CRPPA: variants seen among roughly 807,000 people sequenced by gnomAD.
CRPPA encodes D-ribitol-5-phosphate cytidylyltransferase.
In CRPPA, 43 loss-of-function variants were observed where a neutral mutation model predicts 52.0. The observed-to-expected ratio is 0.83, with a 90% CI of 0.65 to 1.07. The LOEUF (loss-of-function observed/expected upper bound fraction) is 1.07, where lower values mean the gene tolerates loss of function less well. CRPPA is among the 50% of genes least tolerant of loss of function. CRPPA has a pLI of 0.00. For missense variants in CRPPA, 629 were observed against 551.7 expected, an observed-to-expected ratio of 1.14 and a Z score of -1.40; for synonymous variants, 250 against 203.5, an observed-to-expected ratio of 1.23 and a Z score of -1.94.
Position 16,196,982 on chromosome 7 carries a change from T to G in CRPPA, c.1251+19084A>C, listed in dbSNP as rs148187045. Among the ~76,000 whole-genome samples the G allele has an allele frequency of 2.9e-3, 443 of 151,822 alleles. 3 individuals are homozygous for G. Among genetic ancestry groups the G allele is most frequent in the African/African-American group, 0.01 (427 of 41,406 alleles). On this transcript the variant is annotated intron_variant, in intron 9 of 9. Coordinates refer to ENST00000407010, the MANE Select transcript of CRPPA (RefSeq NM_001101426.4). Reference sequence around the variant, plus strand: ...TCATGTTTTAGTGAAACACAACAGGTGCTTTGTTCATCTGACAACATGTTG... The same window carrying G: ...TCATGTTTTAGTGAAACACAACAGGGGCTTTGTTCATCTGACAACATGTTG...
In CRPPA at chr7:16,145,135, G is replaced by T. The variant is rs79285476; in HGVS notation, c.1252-53336C>A. 2.2e-3 allele frequency among the ~76,000 whole-genome samples: 333 copies of T among 152,278 alleles called. 2 individuals carry two copies. The East Asian group carries it at 0.03, about 14-fold the overall frequency. On this transcript the variant is annotated intron_variant, in intron 9 of 9. Transcript: ENST00000407010. ...TCCCTGAAGCAGCATAGTGACCTAG[G>T]CTCCATCCCTGTTCTACCATAGTCT...
intron 6 of CRPPA, among the ~76,000 whole-genome samples, chr7:16,271,779 T>C (rs910803435): frequency 6.6e-6 from 1 of 152,198 alleles, no homozygotes; most frequent in African/African-American, 2.4e-5. Flanking sequence ...AGAATATTCA[T>C]CACAATTTGA....
chr7:16,342,763 C>CAA (rs368521163), intron 3 of CRPPA, among the ~76,000 whole-genome samples: 1 of 64,964 alleles, frequency 1.5e-5, no homozygotes, highest in Non-Finnish European at 2.9e-5. Flanking sequence ...CCTGTCTCCA[C>CAA]AAAAAAAAAA....
intron 3 of CRPPA, among the ~76,000 whole-genome samples, chr7:16,341,934 T>G (rs1583533197): frequency 6.6e-6 from 1 of 152,154 alleles, no homozygotes; most frequent in South Asian, 2.1e-4. Flanking sequence ...ATTTCTTCCC[T>G]CCTTCCCTCT....
chr7:16,410,846 C>T (rs1482510756), intron 1 of CRPPA, among the ~76,000 whole-genome samples: 1 of 152,174 alleles, frequency 6.6e-6, no homozygotes, highest in African/African-American at 2.4e-5. Context: ...CAGCCCTGCC[C>T]GAGTCTTTCA....
chr7:16,131,575 C>T (rs967577044), intron 9 of CRPPA, among the ~76,000 whole-genome samples: 1 of 152,052 alleles, frequency 6.6e-6, no homozygotes. Flanking sequence ...GGTGTCAAGG[C>T]TTTCTCCACC....
At position 16,203,245 on chromosome 7, in the gene CRPPA, T is replaced by C. The variant is rs17169336; in HGVS notation, c.1251+12821A>G. On this transcript the variant is annotated intron_variant, in intron 9 of 9. Transcript: ENST00000407010. ...CAAAAATAATAAACATAATGACCTA[T>C]TGTTTGGGCGTATCCAGCATCTGTT... 0.017 allele frequency among the ~76,000 whole-genome samples: 2,576 copies of C among 152,154 alleles called. 252 individuals carry two copies. The East Asian group carries it at 0.3, about 18-fold the overall frequency.
At chr7:16,307,729 G>A (rs1256726905) in intron 4 of CRPPA, among the ~76,000 whole-genome samples, 1 of 148,170 alleles carries the variant, frequency 6.7e-6, no homozygotes, top group East Asian at 2.0e-4. Flanking sequence ...AAAGAACTGG[G>A]CCCTGCCACA....
intron 9 of CRPPA, among the ~76,000 whole-genome samples, chr7:16,207,560 A>G (rs1782002206): frequency 6.6e-6 from 1 of 152,198 alleles, no homozygotes; most frequent in East Asian, 1.9e-4. Context: ...TCCCTCACTC[A>G]CATATTATTC....
At chr7:16,324,919 T>A (rs1188257191) in intron 3 of CRPPA, among the ~76,000 whole-genome samples, 1 of 152,232 alleles carries the variant, frequency 6.6e-6, no homozygotes, top group Non-Finnish European at 1.5e-5. Flanking sequence ...GTCCTCATCC[T>A]TTTTTAAGGA....
intron 9 of CRPPA, among the ~76,000 whole-genome samples, chr7:16,198,537 G>A (rs1454035929): frequency 8.2e-6 from 1 of 121,264 alleles, no homozygotes; most frequent in Non-Finnish European, 1.6e-5. Context: ...GGAACTCAGA[G>A]GCTGGCGGGA....
At chr7:16,412,862 GAAGA>G (rs1339920822) in intron 1 of CRPPA, among the ~76,000 whole-genome samples, 2 of 152,146 alleles carry the variant, frequency 1.3e-5, no homozygotes, top group African/African-American at 4.8e-5. Flanking sequence ...AGACATTGAG[GAAGA>G]AATATAATAA....
intron 5 of CRPPA, among the ~76,000 whole-genome samples, chr7:16,286,140 C>T (rs1784444271): frequency 9.3e-6 from 1 of 107,720 alleles, no homozygotes; most frequent in Non-Finnish European, 1.8e-5. Flanking sequence ...CAATGTACAA[C>T]TTAATTTTCC....
intron 9 of CRPPA, among the ~76,000 whole-genome samples, chr7:16,107,938 T>C (rs1782189668): frequency 6.6e-6 from 1 of 151,914 alleles, no homozygotes; most frequent in Non-Finnish European, 1.5e-5. Context: ...TAACTGGAAA[T>C]AGACAGTTAT....
At chr7:16,288,845 C>CATAAA (rs777517530) in intron 5 of CRPPA, among the ~76,000 whole-genome samples, 2 of 34,836 alleles carry the variant, frequency 5.7e-5, no homozygotes, top group African/African-American at 1.1e-4. Context: ...GACTCTGCCT[C>CATAAA]AAAAAAAAAA....
chr7:16,281,446 C>G (rs1784319008), intron 5 of CRPPA, among the ~76,000 whole-genome samples: 1 of 152,114 alleles, frequency 6.6e-6, no homozygotes, highest in Non-Finnish European at 1.5e-5. Flanking sequence ...TTGGTATATA[C>G]AAACATGCTG....
chr7:16,343,941 T>C lies in CRPPA; in HGVS notation c.684+32151A>G, dbSNP rs1448609721. On this transcript the variant is annotated intron_variant, in intron 3 of 9. Transcript: ENST00000407010. ...CCTTAGGCAAAATATGGGACAGTTA[T>C]TAGTTCCGGTTATTAAAGGAAATCT... 3.3e-5 allele frequency among the ~76,000 whole-genome samples: 5 copies of C among 152,306 alleles called. No homozygotes were observed. The East Asian group carries it at 7.8e-4, about 24-fold the overall frequency.
intron 1 of CRPPA, among the ~76,000 whole-genome samples, chr7:16,406,868 C>T (rs183899497): frequency 7.2e-5 from 11 of 151,974 alleles, no homozygotes; most frequent in Admixed American, 2.6e-4. Context: ...TGGGAGAAAC[C>T]GTTATAATTA....
intron 8 of CRPPA, chr7:16,216,588 C>T (rs552999433): frequency 1.8e-5 from 3 of 168,306 alleles, no homozygotes; most frequent in East Asian, 1.8e-4. Flanking sequence ...GTGCGCGCAC[C>T]GTGCGTGAGC....
Sources: allele counts gnomAD v4.1 joint callset (sites outside exome capture counted in the v4.1 genomes callset), GRCh38; gene constraint gnomAD v4.1.1; transcripts MANE v1.5; gene names NCBI Gene and HGNC (gene_info 2026-07-23, HGNC 2026-07-21).